Variants in FREM2 observed in about 807,000 individuals in gnomAD.
The protein encoded by FREM2 is FRAS1-related extracellular matrix protein 2.
Under a neutral mutation model 219.9 loss-of-function variants are expected in FREM2, and 119 were observed. The observed-to-expected ratio is 0.54, with a 90% CI of 0.47 to 0.63. FREM2 has a LOEUF of 0.63. Ranked by LOEUF, FREM2 falls within the 30% of genes least tolerant of loss-of-function variation. The pLI is 0.00. For synonymous variants in FREM2, 1,562 were observed against 1,522.8 expected (o/e 1.03, Z -0.60); for missense variants, 4,030 against 3,993.6 (o/e 1.01, Z -0.25).
intron 6 of FREM2, among the ~76,000 whole-genome samples, chr13:38,826,186 A>G (rs1308588138): frequency 6.6e-6 from 1 of 152,146 alleles, no homozygotes; most frequent in Non-Finnish European, 1.5e-5. Context: ...CTAGTATCAT[A>G]TCAACAGGAA....
In FREM2 at chr13:38,691,162, A is replaced by C. The variant is rs775874537; in HGVS notation, c.3818A>C (p.Gln1273Pro). The C allele has an allele frequency of 3.1e-6, 5 of 1,614,036 alleles. No homozygotes were observed. In the East Asian group the frequency reaches 8.9e-5, roughly 29 times the overall value. ...IIYEHDDSET[Q>P]EDSFVIKLTD... ...TATGAGCATGATGACTCCGAGACCCAGGAAGACAGTTTTGTGATTAAACTA... is the reference window on the plus strand; with the variant it reads ...TATGAGCATGATGACTCCGAGACCCCGGAAGACAGTTTTGTGATTAAACTA... Residue 1273 changes from glutamine (Q) to proline (P), a missense_variant, in exon 1 of 24, where the codon CAG (glutamine) becomes CCG (proline). Transcript: ENST00000280481.
At position 38,859,802 on chromosome 13, in the gene FREM2, A is replaced by G. The variant is rs149577365; in HGVS notation, c.7519+212A>G. On this transcript the variant is annotated intron_variant, in intron 14 of 23. Transcript: ENST00000280481. ...AAGTATCTATTATATGCCAGACACA[A>G]TGCTTTGTGCTGGCAATAAAATAAA... Among the ~76,000 whole-genome samples, 532 of 152,026 alleles carry G rather than the reference A, an allele frequency of 3.5e-3. 5 individuals carry two copies. Among genetic ancestry groups the G allele is most frequent in the Non-Finnish European group, 4.8e-3 (324 of 68,018 alleles).
At chr13:38,739,419 A>C (rs1225799512) in intron 2 of FREM2, among the ~76,000 whole-genome samples, 1 of 152,138 alleles carries the variant, frequency 6.6e-6, no homozygotes, top group Non-Finnish European at 1.5e-5. Context: ...TTTGACTTTT[A>C]TGGGAAGGAG....
At chr13:38,759,514 A>G (rs1476581233) in intron 2 of FREM2, among the ~76,000 whole-genome samples, 3 of 151,570 alleles carry the variant, frequency 2.0e-5, no homozygotes, top group African/African-American at 7.3e-5. Context: ...GACCAGCTGG[A>G]TAAGTTCAAA....
At chr13:38,726,249 A>T (rs1463513381) in intron 2 of FREM2, among the ~76,000 whole-genome samples, 1 of 152,160 alleles carries the variant, frequency 6.6e-6, no homozygotes, top group East Asian at 1.9e-4. Flanking sequence ...TATAGGGCCT[A>T]TCTGTAATTA....
At chr13:38,820,166 CA>C in intron 6 of FREM2, among the ~76,000 whole-genome samples, 1 of 152,116 alleles carries the variant, frequency 6.6e-6, no homozygotes, top group East Asian at 1.9e-4. Flanking sequence ...TTCAATTGGA[CA>C]AGGAATAGCA....
At position 38,687,908 on chromosome 13, in the gene FREM2, G is replaced by C. The variant is rs760006613; in HGVS notation, c.564G>C (p.Leu188=). 6 of 1,593,420 alleles carry C rather than the reference G, an allele frequency of 3.8e-6. No individual in the cohort carries two copies. Among genetic ancestry groups the C allele is most frequent in the Non-Finnish European group, 4.3e-6 (5 of 1,168,380 alleles). Residue 188 remains leucine, a synonymous_variant, in exon 1 of 24, where the codon CTG becomes CTC. Transcript: ENST00000280481. ...AGGTTGTGACTCGGAACTTGCCTCT[G>C]GTCGTGGAAGAGCTGCTGGGGACCA... ...QLEVVTRNLP[L]VVEELLGTSN... is the part of the protein sequence containing the mutation.
chr13:38,819,071 TA>T (rs1330642364), intron 6 of FREM2, among the ~76,000 whole-genome samples: 1 of 152,008 alleles, frequency 6.6e-6, no homozygotes, highest in East Asian at 1.9e-4. Flanking sequence ...AAAACAAATT[TA>T]AAAACAAAGA....
chr13:38,851,796 G>A lies in FREM2; in HGVS notation c.6853G>A (p.Val2285Ile), dbSNP rs1040613737. 7 of 1,613,838 alleles carry A rather than the reference G, an allele frequency of 4.3e-6. No individual in the cohort carries two copies. The African/African-American group carries it at 9.4e-5, about 22-fold the overall frequency. Reference protein sequence around the residue: ...PVIRQGDTSKVSIVRVHTKDG... With the variant: ...PVIRQGDTSKISIVRVHTKDG... ...GATTCGCCAAGGAGACACTTCAAAGGTTTCCATTGTGAGAGTCCACACCAA... is the reference window on the plus strand; with the variant it reads ...GATTCGCCAAGGAGACACTTCAAAGATTTCCATTGTGAGAGTCCACACCAA... Residue 2285 changes from valine to isoleucine, a missense_variant, in exon 11 of 24, where the codon GTT (valine) becomes ATT (isoleucine). Val to Ile is a conservative substitution (Grantham distance 29). This residue lies in a region of FREM2 where 3,102 missense variants were observed against 2,950.7 expected (regional missense o/e 1.05). Transcript: ENST00000280481.
chr13:38,747,227 AT>A (rs1331734127), intron 2 of FREM2, among the ~76,000 whole-genome samples: 1 of 151,962 alleles, frequency 6.6e-6, no homozygotes, highest in Non-Finnish European at 1.5e-5. Flanking sequence ...TAGTTATGAG[AT>A]TTTCCTCTCT....
intron 2 of FREM2, among the ~76,000 whole-genome samples, chr13:38,707,242 A>C (rs903161800): frequency 1.3e-5 from 2 of 152,260 alleles, no homozygotes; most frequent in Non-Finnish European, 2.9e-5. Context: ...AGAAGTTTCT[A>C]GAATGAATTA....
rs150819650 is a variant in FREM2 at position 38,864,481 on chromosome 13, G to A, written c.7858G>A (p.Gly2620Ser). ...YPYQYSLSIR[G>S]STTLRFYRNL... is the part of the protein sequence containing the mutation. ...TTACCAGTACAGCTTGTCCATCAGAGGTTCCACTACCTTGCGCTTCTACCG... is the reference window on the plus strand; with the variant it reads ...TTACCAGTACAGCTTGTCCATCAGAAGTTCCACTACCTTGCGCTTCTACCG... The change falls in exon 16 of 24, where the codon GGT (glycine) becomes AGT (serine). Residue 2620 changes from glycine to serine, a missense_variant. Transcript: ENST00000280481. The A allele has an allele frequency of 2.7e-5, 44 of 1,614,072 alleles. No individual in the cohort carries two copies. The highest frequency in any genetic ancestry group is 3.6e-5 in the Non-Finnish European group (42 of 1,180,042).
chr13:38,699,477 G>T (rs780932863), intron 2 of FREM2, among the ~76,000 whole-genome samples: 2 of 151,986 alleles, frequency 1.3e-5, no homozygotes, highest in African/African-American at 4.8e-5. Context: ...GAAGGGGCTC[G>T]GTTTATGTTT....
intron 4 of FREM2, among the ~76,000 whole-genome samples, chr13:38,775,107 A>T (rs1213860234): frequency 6.6e-6 from 1 of 152,254 alleles, no homozygotes; most frequent in Non-Finnish European, 1.5e-5. Context: ...GAGTACAAAG[A>T]AAAGACAAAA....
intron 6 of FREM2, among the ~76,000 whole-genome samples, chr13:38,815,633 C>T (rs893071980): frequency 3.9e-5 from 6 of 152,144 alleles, no homozygotes; most frequent in Non-Finnish European, 7.4e-5. Flanking sequence ...TATAAGGATA[C>T]GAGGACTATT....
At chr13:38,754,575 A>G (rs148001973) in intron 2 of FREM2, among the ~76,000 whole-genome samples, 34 of 152,266 alleles carry the variant, frequency 2.2e-4, no homozygotes, top group African/African-American at 7.9e-4. Flanking sequence ...TACCTCATGC[A>G]TAGAATGTGG....
chr13:38,765,233 A>G (rs549599320), intron 3 of FREM2, among the ~76,000 whole-genome samples: 1 of 152,226 alleles, frequency 6.6e-6, no homozygotes, highest in African/African-American at 2.4e-5. Context: ...TGATTTTCAT[A>G]GAAGCATAAA....
intron 6 of FREM2, among the ~76,000 whole-genome samples, chr13:38,797,206 A>C (rs984766378): frequency 1.3e-5 from 2 of 151,948 alleles, no homozygotes; most frequent in African/African-American, 4.8e-5. Flanking sequence ...TGATTGTACT[A>C]ATTTACATTT....
At chr13:38,762,380 C>T (rs1020461238) in intron 2 of FREM2, among the ~76,000 whole-genome samples, 2 of 151,992 alleles carry the variant, frequency 1.3e-5, no homozygotes, top group African/African-American at 4.8e-5. Context: ...GTTTCATCAG[C>T]GCAAAATGTG....
Sources: gnomAD v4.1 joint callset for allele counts (sites outside exome capture counted in the v4.1 genomes callset) on GRCh38, gnomAD v4.1.1 for gene constraint, gnomAD v4.1.1 regional missense constraint, MANE v1.5 for transcripts, NCBI Gene and HGNC (gene_info 2026-07-23, HGNC 2026-07-21) for gene names.